The following FAM135B variants were observed in gnomAD, a reference collection of about 807,000 sequenced individuals.
FAM135B encodes protein FAM135B.
Under a neutral mutation model 127.7 loss-of-function variants are expected in FAM135B, and 43 were observed. The ratio of observed to expected loss-of-function variants is 0.34; its 90% CI spans 0.26 to 0.43. FAM135B has a LOEUF of 0.43. Among genes scored for constraint, FAM135B ranks in the 20% least tolerant of loss-of-function variants. The probability of loss-of-function intolerance (pLI) is 1.00; values close to 1 mark genes in which losing one functional copy is unlikely to be tolerated. For synonymous variants in FAM135B, 670 were observed against 665.1 expected, an observed-to-expected ratio of 1.01 and a Z score of -0.11; for missense variants, 1,558 against 1,725.6, an observed-to-expected ratio of 0.90 and a Z score of 1.72.
intron 1 of FAM135B, among the ~76,000 whole-genome samples, chr8:138,467,220 G>T (rs1385543238): frequency 6.6e-5 from 10 of 152,142 alleles, no homozygotes; most frequent in Admixed American, 2.6e-4. Context: ...TTGCTGCTCA[G>T]TCTAACCACA....
At chr8:138,192,967 A>G (rs1026906081) in intron 9 of FAM135B, among the ~76,000 whole-genome samples, 4 of 152,182 alleles carry the variant, frequency 2.6e-5, no homozygotes, top group African/African-American at 9.7e-5. Context: ...CAACTTGCCT[A>G]AAGTCACACA....
At chr8:138,136,382 G>C (rs973977964) in intron 19 of FAM135B, among the ~76,000 whole-genome samples, 2 of 151,976 alleles carry the variant, frequency 1.3e-5, no homozygotes, top group Non-Finnish European at 2.9e-5. Flanking sequence ...GGACATTAGT[G>C]GACACTGACA....
Position 138,265,837 on chromosome 8 carries a change from T to G in FAM135B, c.163A>C (p.Ser55Arg), listed in dbSNP as rs1822877675. The stretch of plus-strand genomic sequence containing the variant: ...TGGACACAGGCTGAATGCAGGCTGC[T>G]GCTCTCTGCAAAACAAGAATCAGTA... ...SASIAGQTES[S>R]SLHSACVHDS... is the part of the protein sequence containing the mutation. Residue 55 changes from serine to arginine, a missense_variant, in exon 4 of 20, where the codon AGC becomes CGC. Transcript: ENST00000395297. 3.1e-6 allele frequency: 5 copies of G among 1,613,408 alleles called. No individual in the cohort carries two copies. The highest frequency in any genetic ancestry group is 4.2e-6 in the Non-Finnish European group (5 of 1,179,890).
chr8:138,426,367 T>C (rs1834890014), intron 1 of FAM135B, among the ~76,000 whole-genome samples: 1 of 151,710 alleles, frequency 6.6e-6, no homozygotes, highest in South Asian at 2.1e-4. Flanking sequence ...TTTTTGTATA[T>C]TGCTGGAGAA....
rs376094830 is a variant in FAM135B at position 138,282,848 on chromosome 8, T to C, written c.158-17006A>G. Reference sequence around the variant, plus strand: ...CTCCTTGGCATTTACCCAAAGGAGATGAAGACACAAGTCTATGTAGAAACC... The same window carrying C: ...CTCCTTGGCATTTACCCAAAGGAGACGAAGACACAAGTCTATGTAGAAACC... On this transcript the variant is annotated intron_variant, in intron 3 of 19. Coordinates refer to ENST00000395297, the MANE Select transcript of FAM135B (RefSeq NM_015912.4). 8.5e-5 allele frequency among the ~76,000 whole-genome samples: 13 copies of C among 152,216 alleles called. No homozygotes were observed. In the East Asian group the frequency reaches 1.5e-3, roughly 18 times the overall value.
At chr8:138,390,273 G>A (rs550936463) in intron 1 of FAM135B, among the ~76,000 whole-genome samples, 2 of 152,282 alleles carry the variant, frequency 1.3e-5, no homozygotes, top group Admixed American at 1.3e-4. Flanking sequence ...ACTGGTGGGA[G>A]GTTCACATGA....
intron 1 of FAM135B, among the ~76,000 whole-genome samples, chr8:138,375,275 CCTTTT>C (rs1461750219): frequency 1.3e-5 from 2 of 152,066 alleles, no homozygotes; most frequent in African/African-American, 4.8e-5. Context: ...AAATCAAATT[CCTTTT>C]CTTTTAGAGC....
chr8:138,269,011 A>C (rs1396169233), intron 3 of FAM135B, among the ~76,000 whole-genome samples: 1 of 152,194 alleles, frequency 6.6e-6, no homozygotes, highest in Non-Finnish European at 1.5e-5. Context: ...GGAGGGGAGC[A>C]GAGAAAAGAG....
chr8:138,429,668 G>C (rs575811105), intron 1 of FAM135B, among the ~76,000 whole-genome samples: 1 of 152,290 alleles, frequency 6.6e-6, no homozygotes, highest in African/African-American at 2.4e-5. Flanking sequence ...CCAATATGAT[G>C]ACTGTGTTTT....
intron 7 of FAM135B, among the ~76,000 whole-genome samples, chr8:138,231,581 C>T (rs1311869047): frequency 1.3e-5 from 2 of 152,124 alleles, no homozygotes; most frequent in African/African-American, 4.8e-5. Flanking sequence ...GATATGGCTT[C>T]CAACTTACCA....
At chr8:138,223,836 C>T (rs753190782) in intron 7 of FAM135B, among the ~76,000 whole-genome samples, 8 of 152,150 alleles carry the variant, frequency 5.3e-5, no homozygotes, top group Non-Finnish European at 1.0e-4. Flanking sequence ...CCATATACAA[C>T]GTGGAATACT....
chr8:138,341,048 T>A (rs1207806790), intron 2 of FAM135B, among the ~76,000 whole-genome samples: 3 of 152,142 alleles, frequency 2.0e-5, no homozygotes, highest in African/African-American at 4.8e-5. Context: ...TACTCAAGAA[T>A]TGTTTAGGAC....
rs1816324921 is a variant in FAM135B, at chr8:138,132,941, A to G, written c.4016-143T>C. 2.9e-6 allele frequency: 2 copies of G among 682,252 alleles called. No individual in the cohort carries two copies. The highest frequency in any genetic ancestry group is 5.1e-6 in the Non-Finnish European group (2 of 390,068). 42.3% of individuals were successfully genotyped at this position (682,252 alleles called of 1,614,324 possible). ...TCCAACCTCTTCCTAATGTTAGTGA[A>G]ATTAATATGAAATAAAATCAAAGTT... On this transcript the variant is annotated intron_variant, in intron 19 of 19. Transcript: ENST00000395297. The surrounding 1 kb of genome is among the most constrained non-coding windows in gnomAD (Gnocchi z 4.5).
intron 1 of FAM135B, among the ~76,000 whole-genome samples, chr8:138,463,253 G>T (rs1048009431): frequency 6.6e-6 from 1 of 152,178 alleles, no homozygotes; most frequent in Non-Finnish European, 1.5e-5. Context: ...AGCTAATGGG[G>T]ATGAAAAGCC....
chr8:138,172,453 T>A (rs1820548722), intron 11 of FAM135B, among the ~76,000 whole-genome samples: 1 of 152,258 alleles, frequency 6.6e-6, no homozygotes, highest in African/African-American at 2.4e-5. Context: ...TGAGTATAAA[T>A]GTCACCTTCT....
intron 19 of FAM135B, among the ~76,000 whole-genome samples, chr8:138,135,294 T>C (rs934283603): frequency 6.6e-6 from 1 of 152,210 alleles, no homozygotes; most frequent in African/African-American, 2.4e-5. Flanking sequence ...AGCAAATCCC[T>C]GCACAAAGAA....
chr8:138,211,220 T>C (rs1234820716), intron 7 of FAM135B, among the ~76,000 whole-genome samples: 1 of 152,194 alleles, frequency 6.6e-6, no homozygotes, highest in Admixed American at 6.5e-5. Flanking sequence ...TCAAAATAGG[T>C]CTGGTTTTTA....
rs1200411192 is a variant in FAM135B, at chr8:138,317,821, GA to G, written c.78-6902del. Among the ~76,000 whole-genome samples the G allele has an allele frequency of 1.9e-3, 289 of 152,312 alleles. 2 individuals are homozygous for G. Among genetic ancestry groups the G allele is most frequent in the African/African-American group, 6.7e-3 (278 of 41,574 alleles). ...GACAAGAAACAATAACCTACCATCA[GA>G]AAATCCCAGTGGAAGCACATTTACA... On this transcript the variant is annotated intron_variant, in intron 2 of 19. Coordinates refer to ENST00000395297, the MANE Select transcript of FAM135B (RefSeq NM_015912.4).
chr8:138,283,406 A>T (rs1403344774), intron 3 of FAM135B, among the ~76,000 whole-genome samples: 1 of 140,480 alleles, frequency 7.1e-6, no homozygotes, highest in Admixed American at 7.8e-5. Context: ...GAAAAAGACA[A>T]AACTATGGAT....
Sources: allele counts gnomAD v4.1 joint callset (sites outside exome capture counted in the v4.1 genomes callset), GRCh38; gene constraint gnomAD v4.1.1; non-coding constraint Gnocchi (gnomAD v3.1); transcripts MANE v1.5; gene names NCBI Gene and HGNC (gene_info 2026-07-23, HGNC 2026-07-21).